Variants in AGBL4 observed in about 807,000 individuals in gnomAD.
AGBL4 encodes AGBL carboxypeptidase 4.
AGBL4 carries 58 observed loss-of-function variants against 66.4 expected under a neutral mutation model. The ratio of observed to expected loss-of-function variants is 0.87; its 90% CI spans 0.71 to 1.09. AGBL4 has a LOEUF of 1.09. Ranked by LOEUF, AGBL4 falls within the 50% of genes least tolerant of loss-of-function variation. The pLI is 0.00. For synonymous variants in AGBL4, 234 were observed against 222.9 expected (o/e 1.05, Z -0.44); for missense variants, 579 against 631.0 (o/e 0.92, Z 0.88).
At chr1:49,646,724 A>T (rs1434771956) in intron 3 of AGBL4, among the ~76,000 whole-genome samples, 4 of 152,068 alleles carry the variant, frequency 2.6e-5, no homozygotes, top group Non-Finnish European at 5.9e-5. Flanking sequence ...AATAGCCAAA[A>T]CATCTTAGAA....
intron 3 of AGBL4, among the ~76,000 whole-genome samples, chr1:49,679,298 T>C (rs1257990596): frequency 6.6e-6 from 1 of 152,154 alleles, no homozygotes; most frequent in Non-Finnish European, 1.5e-5. Flanking sequence ...TGCTTCTCTG[T>C]CTCTGATAAT....
chr1:48,803,298 T>C (rs1488183651), intron 6 of AGBL4, among the ~76,000 whole-genome samples: 2 of 152,192 alleles, frequency 1.3e-5, no homozygotes, highest in African/African-American at 4.8e-5. Context: ...AGCCCAAGTC[T>C]GGCATTGAAA....
chr1:49,417,666 C>G (rs1384650440), intron 3 of AGBL4, among the ~76,000 whole-genome samples: 2 of 152,024 alleles, frequency 1.3e-5, no homozygotes, highest in Admixed American at 6.6e-5. Flanking sequence ...TTTTTGAAAC[C>G]TCATAATGTG....
chr1:48,696,983 A>T (rs554557947), intron 6 of AGBL4, among the ~76,000 whole-genome samples: 1 of 152,020 alleles, frequency 6.6e-6, no homozygotes, highest in Admixed American at 6.5e-5. Flanking sequence ...TTGTGTGCTC[A>T]CCTTCTCCCC....
chr1:49,524,007 T>A (rs1055206684), intron 3 of AGBL4, among the ~76,000 whole-genome samples: 2 of 151,952 alleles, frequency 1.3e-5, no homozygotes, highest in Non-Finnish European at 2.9e-5. Flanking sequence ...GCACTAACAA[T>A]TTCTTGAGTG....
chr1:48,935,497 T>C (rs1162707283), intron 5 of AGBL4, among the ~76,000 whole-genome samples: 1 of 152,146 alleles, frequency 6.6e-6, no homozygotes, highest in Non-Finnish European at 1.5e-5. Flanking sequence ...CAGTATTTGT[T>C]GCCACCCACT....
intron 3 of AGBL4, among the ~76,000 whole-genome samples, chr1:49,446,825 G>A (rs1646167709): frequency 6.6e-6 from 1 of 152,168 alleles, no homozygotes; most frequent in South Asian, 2.1e-4. Flanking sequence ...GGTACTACAT[G>A]ACTCCAAAGC....
intron 3 of AGBL4, among the ~76,000 whole-genome samples, chr1:49,501,516 A>G (rs1158083134): frequency 7.2e-6 from 1 of 139,240 alleles, no homozygotes; most frequent in Non-Finnish European, 1.6e-5. Flanking sequence ...TTTCATTTAT[A>G]ATTTTATTTG....
At chr1:49,333,204 G>T (rs1645369234) in intron 3 of AGBL4, among the ~76,000 whole-genome samples, 1 of 152,138 alleles carries the variant, frequency 6.6e-6, no homozygotes, top group African/African-American at 2.4e-5. Flanking sequence ...TAAAGGCTGG[G>T]CGCAGTGGCT....
chr1:49,968,901 C>G, intron 1 of AGBL4, among the ~76,000 whole-genome samples: 1 of 152,172 alleles, frequency 6.6e-6, no homozygotes, highest in Middle Eastern at 3.2e-3. Flanking sequence ...CTCTAGACTT[C>G]TTTTACATTA....
intron 2 of AGBL4, chr1:49,845,795 G>A (rs1646126680): frequency 6.4e-7 from 1 of 1,559,762 alleles, no homozygotes; most frequent in African/African-American, 1.3e-5. Flanking sequence ...TCCTCACTTA[G>A]CCAGCAGGAG....
intron 3 of AGBL4, among the ~76,000 whole-genome samples, chr1:49,683,506 G>A (rs1402586593): frequency 3.9e-5 from 6 of 152,098 alleles, no homozygotes; most frequent in Admixed American, 1.3e-4. Context: ...TTAAGTCTCA[G>A]TCTCTAATAG....
At chr1:49,725,743 G>A (rs933436090) in intron 2 of AGBL4, among the ~76,000 whole-genome samples, 1 of 146,256 alleles carries the variant, frequency 6.8e-6, no homozygotes, top group Non-Finnish European at 1.5e-5. Flanking sequence ...GGAGTGCAGA[G>A]GCGCGATCTT....
chr1:48,569,608 G>C (rs1644527588), intron 11 of AGBL4, among the ~76,000 whole-genome samples: 1 of 152,134 alleles, frequency 6.6e-6, no homozygotes, highest in South Asian at 2.1e-4. Context: ...AAATTGATGG[G>C]TCACTGGTGG....
At chr1:48,544,802 C>T (rs1444772743) in intron 11 of AGBL4, among the ~76,000 whole-genome samples, 2 of 152,096 alleles carry the variant, frequency 1.3e-5, no homozygotes, top group African/African-American at 4.8e-5. Context: ...TGTACTGTTC[C>T]ATCTCCAGCC....
At position 48,827,995 on chromosome 1, in the gene AGBL4, TACACACACACAC is replaced by T. The variant is rs375257744; in HGVS notation, c.634+39184_634+39195del. 5.4e-3 allele frequency among the ~76,000 whole-genome samples: 630 copies of T among 116,972 alleles called. 5 individuals carry two copies. The highest frequency in any genetic ancestry group is 0.017 in the African/African-American group (511 of 30,918). The allele number at this position is 116,972 out of a possible 152,430, so 76.7% of individuals were successfully genotyped here. On this transcript the variant is annotated intron_variant, in intron 6 of 13. Coordinates refer to ENST00000371839, the MANE Select transcript of AGBL4 (RefSeq NM_032785.4). ...TGTGAGACCCCGTCTCTACTAAAAA[TACACACACACAC>T]ACACACACACACACACACACACACA...
At chr1:49,505,176 T>A (rs1454555477) in intron 3 of AGBL4, among the ~76,000 whole-genome samples, 1 of 152,084 alleles carries the variant, frequency 6.6e-6, no homozygotes, top group Non-Finnish European at 1.5e-5. Flanking sequence ...CATCTTTTTA[T>A]AATATATATC....
intron 3 of AGBL4, among the ~76,000 whole-genome samples, chr1:49,273,933 C>T (rs1045844237): frequency 2.6e-5 from 4 of 152,116 alleles, no homozygotes; most frequent in Admixed American, 6.5e-5. Context: ...CCGCCTGCCT[C>T]GGCCTCCCAA....
At chr1:48,728,171 T>C (rs1375091339) in intron 6 of AGBL4, 1 of 809,716 alleles carries the variant, frequency 1.2e-6, no homozygotes, top group African/African-American at 1.7e-5. Context: ...CTGGCATAGC[T>C]ATATTTTAAA....
Sources: allele counts gnomAD v4.1 joint callset (sites outside exome capture counted in the v4.1 genomes callset), GRCh38; gene constraint gnomAD v4.1.1; transcripts MANE v1.5; gene names NCBI Gene and HGNC (gene_info 2026-07-23, HGNC 2026-07-21).